MICAL2: variants seen among roughly 807,000 people sequenced by gnomAD.
MICAL2 encodes microtubule associated monooxygenase, calponin and LIM domain containing 2.
In MICAL2, 77 loss-of-function variants were observed where a neutral mutation model predicts 127.3. The observed-to-expected ratio is 0.60, with a 90% CI of 0.50 to 0.73. The LOEUF (loss-of-function observed/expected upper bound fraction) is 0.73. Ranked by LOEUF, MICAL2 falls within the 30% of genes least tolerant of loss-of-function variation. MICAL2 has a pLI of 0.00. For missense variants in MICAL2, 1,351 were observed against 1,434.4 expected (o/e 0.94, Z 0.94); for synonymous variants, 570 against 551.1 (o/e 1.03, Z -0.48).
chr11:12,212,232 C>A (rs1352710927), intron 6 of MICAL2, among the ~76,000 whole-genome samples: 1 of 152,118 alleles, frequency 6.6e-6, no homozygotes, highest in African/African-American at 2.4e-5. Flanking sequence ...CATTCAAGAG[C>A]AATTTTAATG....
intron 15 of MICAL2, among the ~76,000 whole-genome samples, chr11:12,231,482 G>A (rs569793247): frequency 6.2e-4 from 95 of 152,308 alleles, no homozygotes; most frequent in Non-Finnish European, 5.7e-4. Context: ...CACACTTTCC[G>A]AAGAGCCGGG....
intron 1 of MICAL2, among the ~76,000 whole-genome samples, chr11:12,279,048 G>A (rs137945746): frequency 0.014 from 2,193 of 152,294 alleles, 25 homozygotes; most frequent in Non-Finnish European, 0.022. Flanking sequence ...AGACAAAGAA[G>A]AGCTGGGCTC....
At chr11:12,171,509 G>A (rs537661205) in intron 3 of MICAL2, among the ~76,000 whole-genome samples, 3 of 152,314 alleles carry the variant, frequency 2.0e-5, no homozygotes, top group African/African-American at 7.2e-5. Flanking sequence ...CCCACTTGAT[G>A]TGAATGTATC....
At chr11:12,118,097 G>A (rs1041677576) in intron 1 of MICAL2, among the ~76,000 whole-genome samples, 7 of 152,182 alleles carry the variant, frequency 4.6e-5, no homozygotes, top group Admixed American at 3.9e-4. Flanking sequence ...CTGGATTCCA[G>A]GTTTGCCCCA....
At chr11:12,245,575 C>T (rs891740066) in intron 21 of MICAL2, among the ~76,000 whole-genome samples, 6 of 152,204 alleles carry the variant, frequency 3.9e-5, no homozygotes, top group Admixed American at 6.5e-5. Context: ...CACAGAGAAA[C>T]GCTAACAGGA....
exon 3 of MICAL2, chr11:12,287,278 C>T: frequency 2.5e-6 from 1 of 396,708 alleles, no homozygotes; most frequent in Non-Finnish European, 4.4e-6. Flanking sequence ...GCATGGCCTC[C>T]TGGTTGTCAG....
chr11:12,203,474 T>A (rs1854288667), intron 3 of MICAL2, among the ~76,000 whole-genome samples: 1 of 152,256 alleles, frequency 6.6e-6, no homozygotes. Flanking sequence ...AAGTGATTTC[T>A]CCCTGTGGCT....
At chr11:12,164,178 C>A (rs1855191101) in intron 3 of MICAL2, among the ~76,000 whole-genome samples, 1 of 152,052 alleles carries the variant, frequency 6.6e-6, no homozygotes, top group South Asian at 2.1e-4. Context: ...TGAAATAGAA[C>A]AGTCATCACA....
chr11:12,281,693 C>CAA, intron 2 of MICAL2, among the ~76,000 whole-genome samples: 1 of 152,212 alleles, frequency 6.6e-6, no homozygotes, highest in African/African-American at 2.4e-5. Context: ...TGTGGGGTAA[C>CAA]TAGTGCGAAG....
At chr11:12,247,213 C>A (rs1303954542) in intron 21 of MICAL2, among the ~76,000 whole-genome samples, 1 of 152,180 alleles carries the variant, frequency 6.6e-6, no homozygotes, top group Non-Finnish European at 1.5e-5. Flanking sequence ...TGCATGTAAA[C>A]CCTCACACTC....
In MICAL2 at chr11:12,244,016, T is replaced by C; in HGVS notation, c.2688T>C (p.His896=). ...QNKLLSKGLS[H]THPPSPPSRL... ...AACTACTCTCTAAAGGCCTGTCTCA[T>C]ACTCATCCTCCATCTCCTCCCTCTC... is the stretch of plus-strand genomic sequence containing the variant. Residue 896 remains histidine (H), a synonymous_variant, in exon 21 of 28, where the codon CAT becomes CAC. Transcript: ENST00000683283. 2.5e-6 allele frequency: 4 copies of C among 1,613,896 alleles called. No individual in the cohort carries two copies. Among genetic ancestry groups the C allele is most frequent in the Non-Finnish European group, 3.4e-6 (4 of 1,179,740 alleles).
chr11:12,190,838 C>T (rs1858999482), intron 3 of MICAL2, among the ~76,000 whole-genome samples: 1 of 152,218 alleles, frequency 6.6e-6, no homozygotes, highest in African/African-American at 2.4e-5. Flanking sequence ...ACTTCAATGT[C>T]CTCACCTGAA....
chr11:12,225,240 C>A (rs187804712), intron 13 of MICAL2, among the ~76,000 whole-genome samples: 1 of 152,320 alleles, frequency 6.6e-6, no homozygotes, highest in East Asian at 1.9e-4. Flanking sequence ...TGTCCTTGGG[C>A]AAGCCACTTA....
chr11:12,201,363 T>C (rs577378606), intron 3 of MICAL2, among the ~76,000 whole-genome samples: 1 of 151,932 alleles, frequency 6.6e-6, no homozygotes, highest in Non-Finnish European at 1.5e-5. Context: ...AGCTGAGTGA[T>C]AACTGGATGA....
chr11:12,236,835 TGA>T (rs200427800), intron 16 of MICAL2, among the ~76,000 whole-genome samples: 3 of 148,854 alleles, frequency 2.0e-5, no homozygotes, highest in Non-Finnish European at 4.5e-5. Context: ...AAAAGAGACC[TGA>T]GATATACACG....
At chr11:12,134,863 G>C (rs1383478599) in intron 1 of MICAL2, among the ~76,000 whole-genome samples, 1 of 152,204 alleles carries the variant, frequency 6.6e-6, no homozygotes, top group African/African-American at 2.4e-5. Context: ...ACATTGGAAG[G>C]TTTCGAGGAG....
At chr11:12,327,327 CA>C (rs1864365740) in intron 32 of MICAL2, 1 of 1,403,662 alleles carries the variant, frequency 7.1e-7, no homozygotes, top group African/African-American at 1.4e-5. Context: ...CTAGCGTAAC[CA>C]TCTGAGGAAA....
rs770466395 is a variant in MICAL2 at position 12,249,258 on chromosome 11, C to T, written c.2847+12C>T. 1 of 1,484,840 alleles carries T rather than the reference C, an allele frequency of 6.7e-7. No homozygotes were observed. The highest frequency in any genetic ancestry group is 1.7e-4 in the Middle Eastern group (1 of 5,762). The allele number at this position is 1,484,840 out of a possible 1,614,324, so 92.0% of individuals were successfully genotyped here. ...CAGTGCATCCTCAGGTGAGTTAGAGCCTCCCTGAACTTCAGCTGCCTCACC... is the reference window on the plus strand; with the variant it reads ...CAGTGCATCCTCAGGTGAGTTAGAGTCTCCCTGAACTTCAGCTGCCTCACC... On this transcript the variant is annotated intron_variant, in intron 22 of 27. Transcript: ENST00000683283.
chr11:12,169,720 A>G (rs1219240206), intron 3 of MICAL2, among the ~76,000 whole-genome samples: 1 of 152,176 alleles, frequency 6.6e-6, no homozygotes, highest in Non-Finnish European at 1.5e-5. Context: ...TTTCCAGTCT[A>G]TTGCCATTTT....
Sources: gnomAD v4.1 joint callset for allele counts (sites outside exome capture counted in the v4.1 genomes callset) on GRCh38, gnomAD v4.1.1 for gene constraint, MANE v1.5 for transcripts, NCBI Gene and HGNC (gene_info 2026-07-23, HGNC 2026-07-21) for gene names.